The following DEAF1 variants were observed in gnomAD, a reference collection of about 807,000 sequenced individuals.
DEAF1 encodes DEAF1 transcription factor.
DEAF1 carries 53 observed loss-of-function variants against 58.9 expected under a neutral mutation model. That is an observed-to-expected ratio of 0.90 (90% CI 0.72 to 1.13). The LOEUF (loss-of-function observed/expected upper bound fraction) is 1.13. DEAF1 is among the 50% of genes most tolerant of loss of function. The pLI, the probability that DEAF1 is intolerant of heterozygous loss-of-function variation, is 0.00. For synonymous variants in DEAF1, 385 were observed against 340.4 expected (o/e 1.13, Z -1.44); for missense variants, 685 against 791.4 (o/e 0.87, Z 1.61).
upstream of DEAF1, among the ~76,000 whole-genome samples, chr11:697,019 G>C (rs867650468): frequency 6.6e-6 from 1 of 151,614 alleles, no homozygotes; most frequent in Admixed American, 6.6e-5. Context: ...TGGTGGTGGG[G>C]GGGGTGGGGT....
rs766035700 is a variant in DEAF1 at position 681,103 on chromosome 11, G to A, written c.871-14C>T. 4 of 1,613,748 alleles carry A rather than the reference G, an allele frequency of 2.5e-6. 1 individual carries two copies. The highest frequency in any genetic ancestry group is 2.2e-5 in the East Asian group (1 of 44,880). On this transcript the variant is annotated splice_polypyrimidine_tract_variant and intron_variant, in intron 6 of 11. Transcript: ENST00000382409. ...GACTGGGCCACTCTGGGGGAGAAAG[G>A]AGAGAGGCCACCACCTTCATGTGTG...
chr11:703,265 T>G lies in DEAF1; in HGVS notation c.-438+3307A>C, dbSNP rs1590040117. ...GGGCACTTTTCCTAGTGACTGGCCATAGATGGTTTTGGATGGTTCCATCTG... is the reference window on the plus strand; with the variant it reads ...GGGCACTTTTCCTAGTGACTGGCCAGAGATGGTTTTGGATGGTTCCATCTG... On this transcript the variant is annotated intron_variant, in intron 1 of 11. Coordinates refer to the DEAF1 transcript ENST00000683307. 7.6e-6 allele frequency: 11 copies of G among 1,451,346 alleles called. No homozygotes were observed. In the East Asian group the frequency reaches 2.8e-4, roughly 37 times the overall value. 89.9% of individuals were successfully genotyped at this position (1,451,346 alleles called of 1,614,324 possible). A position where few individuals can be genotyped will look rare whatever the true frequency, so the allele number is the denominator to read the frequency against.
intron 1 of DEAF1, chr11:703,061 G>A (rs1204882699): frequency 1.2e-6 from 2 of 1,612,646 alleles, no homozygotes; most frequent in Non-Finnish European, 1.7e-6. Flanking sequence ...AGTGTTGTGG[G>A]CGGACTGGGC....
In DEAF1 at chr11:691,888, T is replaced by C. The variant is rs117762692; in HGVS notation, c.290-290A>G. Among the ~76,000 whole-genome samples, 859 of 152,224 alleles carry C rather than the reference T, an allele frequency of 5.6e-3. 5 individuals carry two copies. The highest frequency in any genetic ancestry group is 9.7e-3 in the Non-Finnish European group (657 of 67,992). Reference sequence around the variant, plus strand: ...CCGCCACCCCAGCCAGCCCCAGCTCTATCAAACCACCACGGGGCTTCTATC... The same window carrying C: ...CCGCCACCCCAGCCAGCCCCAGCTCCATCAAACCACCACGGGGCTTCTATC... On this transcript the variant is annotated intron_variant, in intron 1 of 11. Coordinates refer to ENST00000382409, the MANE Select transcript of DEAF1 (RefSeq NM_021008.4).
chr11:689,317 T>C (rs1383825957), intron 2 of DEAF1, among the ~76,000 whole-genome samples: 1 of 149,802 alleles, frequency 6.7e-6, no homozygotes, highest in Non-Finnish European at 1.5e-5. Context: ...GCTATTGTCC[T>C]GCCTCAGCCT....
intron 5 of DEAF1, 127 bp downstream of exon 5, chr11:686,731 C>T (rs1359520316): frequency 7.9e-7 from 1 of 1,270,458 alleles, no homozygotes; most frequent in Non-Finnish European, 1.1e-6. Flanking sequence ...GCCACACAGA[C>T]AGCAGGTGGA....
rs149321046 is a variant in DEAF1 at position 652,102 on chromosome 11, C to A, written c.1593+1860G>T. On this transcript the variant is annotated intron_variant, in intron 11 of 11. Coordinates refer to ENST00000382409, the MANE Select transcript of DEAF1 (RefSeq NM_021008.4). ...GATAAGACCATACGCTAGGCCCTAA[C>A]ACAAATCTCAATAAATTTAAAGGTA... Among the ~76,000 whole-genome samples the A allele has an allele frequency of 4.2e-3, 637 of 152,326 alleles. 6 individuals carry two copies. The highest frequency in any genetic ancestry group is 0.015 in the African/African-American group (605 of 41,572).
rs1435770576 is a variant in DEAF1, at chr11:688,930, T to C, written c.388-470A>G. Among the ~76,000 whole-genome samples, 1 of 152,178 alleles carries C rather than the reference T, an allele frequency of 6.6e-6. No individual in the cohort carries two copies. The highest frequency in any genetic ancestry group is 1.9e-4 in the East Asian group (1 of 5,188). ...GGCTGAAGCTGCTGCAACTGCTGCCTGCTTCCAAAATCAGCCTTCAGGCGG... is the reference window on the plus strand; with the variant it reads ...GGCTGAAGCTGCTGCAACTGCTGCCCGCTTCCAAAATCAGCCTTCAGGCGG... On this transcript the variant is annotated intron_variant, in intron 2 of 11. Transcript: ENST00000382409. This position sits in a 1 kb window ranked among gnomAD's most constrained non-coding sequence, Gnocchi z 4.3.
In DEAF1 at chr11:671,826, T is replaced by TAAAAAAAA. The variant is rs35325757; in HGVS notation, c.1503+2702_1503+2709dup. Among the ~76,000 whole-genome samples the TAAAAAAAA allele has an allele frequency of 2.7e-3, 173 of 63,508 alleles. 1 individual carries two copies. Among genetic ancestry groups the TAAAAAAAA allele is most frequent in the East Asian group, 9.9e-3 (13 of 1,312 alleles). 41.7% of individuals were successfully genotyped at this position (63,508 alleles called of 152,430 possible). ...GGCAACAGAGTGAGACCTTACCTCT[T>TAAAAAAAA]AAAAAAAAAAAAAAAAAAAAAAAGA... On this transcript the variant is annotated intron_variant, in intron 10 of 11. Coordinates refer to ENST00000382409, the MANE Select transcript of DEAF1 (RefSeq NM_021008.4).
chr11:683,597 T>C (rs1253743038), intron 6 of DEAF1, among the ~76,000 whole-genome samples: 1 of 152,246 alleles, frequency 6.6e-6, no homozygotes, highest in Non-Finnish European at 1.5e-5. Context: ...AAAACTGTTT[T>C]GGCTTTTTTA....
intron 10 of DEAF1, among the ~76,000 whole-genome samples, chr11:659,150 G>C (rs540104184): frequency 6.6e-6 from 1 of 151,928 alleles, no homozygotes; most frequent in Non-Finnish European, 1.5e-5. Context: ...CCAGCACTTT[G>C]GGAGGCCGAG....
chr11:700,978 G>C, intron 1 of DEAF1: 1 of 433,142 alleles, frequency 2.3e-6, no homozygotes, highest in Non-Finnish European at 4.0e-6. Flanking sequence ...ATGGCACTGA[G>C]ATCAGAAAAG....
At chr11:655,848 T>C (rs1313273421) in intron 10 of DEAF1, among the ~76,000 whole-genome samples, 2 of 151,266 alleles carry the variant, frequency 1.3e-5, no homozygotes, top group African/African-American at 4.8e-5. Flanking sequence ...TTATTATTTT[T>C]TTGAGATGGA....
chr11:695,064 CT>C lies in DEAF1; in HGVS notation c.-18del. The C allele has an allele frequency of 6.9e-7, 1 of 1,444,568 alleles. No homozygotes were observed. The highest frequency in any genetic ancestry group is 9.1e-7 in the Non-Finnish European group (1 of 1,100,624). The allele number at this position is 1,444,568 out of a possible 1,614,324, so 89.5% of individuals were successfully genotyped here. A position where few individuals can be genotyped will look rare whatever the true frequency, so the allele number is the denominator to read the frequency against. On this transcript the variant is annotated 5_prime_UTR_variant, in exon 1 of 12. Coordinates refer to ENST00000382409, the MANE Select transcript of DEAF1 (RefSeq NM_021008.4). ...GTCCTCCATCCGGACTCCGCCGAGC[CT>C]TCCCGAAGGCGCCGTCCGGGACCGC...
chr11:699,979 T>C (rs1441329017), upstream of DEAF1: 8 of 595,594 alleles, frequency 1.3e-5, no homozygotes. Flanking sequence ...GCAGCCAGCA[T>C]AGTGACAGAA....
At chr11:691,425 G>C in intron 2 of DEAF1, 76 bp downstream of exon 2, 1 of 1,400,926 alleles carries the variant, frequency 7.1e-7, no homozygotes, top group Non-Finnish European at 1.0e-6. Flanking sequence ...GCTGAACCCC[G>C]GGAGAGCCTC....
chr11:655,481 G>A (rs1858998042), intron 10 of DEAF1, among the ~76,000 whole-genome samples: 1 of 152,218 alleles, frequency 6.6e-6, no homozygotes, highest in Non-Finnish European at 1.5e-5. Context: ...AAGACCACTG[G>A]GCCTAGGAGA....
chr11:669,558 C>G (rs901568098), intron 10 of DEAF1, among the ~76,000 whole-genome samples: 2 of 151,348 alleles, frequency 1.3e-5, no homozygotes, highest in African/African-American at 4.9e-5. Context: ...CTCTCTTGAA[C>G]CTGGGAGGTG....
chr11:674,289 A>C, intron 10 of DEAF1: 1 of 539,314 alleles, frequency 1.9e-6, no homozygotes, highest in Non-Finnish European at 3.3e-6. Flanking sequence ...GATGCGCACA[A>C]AATTGTTTCC....
Sources: allele counts gnomAD v4.1 joint callset (sites outside exome capture counted in the v4.1 genomes callset), GRCh38; gene constraint gnomAD v4.1.1; non-coding constraint Gnocchi (gnomAD v3.1); transcripts MANE v1.5; gene names NCBI Gene and HGNC (gene_info 2026-07-23, HGNC 2026-07-21).